The following VPS28 variants were observed in gnomAD, a reference collection of about 807,000 sequenced individuals.
VPS28 encodes the protein vacuolar protein sorting-associated protein 28 homolog.
A neutral mutation model predicts 33.7 loss-of-function variants in VPS28; 29 were observed. The ratio of observed to expected loss-of-function variants is 0.86; its 90% confidence interval spans 0.64 to 1.17. The LOEUF (loss-of-function observed/expected upper bound fraction) is 1.17. Ranked by LOEUF, VPS28 falls within the 50% of genes most tolerant of loss-of-function variation. VPS28 has a pLI of 0.00. For missense variants in VPS28, 247 were observed against 312.2 expected (o/e 0.79, Z 1.57); for synonymous variants, 164 against 116.7 (o/e 1.40, Z -2.61).
At chr8:144,424,292 G>T in intron 7 of VPS28, 24 bp from the exon 8 acceptor site, 1 of 1,574,252 alleles carries the variant, frequency 6.4e-7, no homozygotes, top group Non-Finnish European at 8.6e-7. Flanking sequence ...TGCACATGAG[G>T]CTCGCGTGTC....
intron 3 of VPS28, 21 bp downstream of exon 3, chr8:144,426,159 G>A (rs782025290): frequency 5.6e-6 from 9 of 1,603,148 alleles, no homozygotes; most frequent in Admixed American, 3.4e-5. Context: ...AATGCCGGCC[G>A]GGTGGGCACC....
intron 5 of VPS28, 41 bp from the exon 6 acceptor site, chr8:144,425,092 C>T (rs1436103160): frequency 2.6e-6 from 4 of 1,522,784 alleles, no homozygotes; most frequent in Non-Finnish European, 3.6e-6. Context: ...GGGACCAGCC[C>T]CACCCAGCTC....
rs372355075 is a variant in VPS28 at position 144,425,782 on chromosome 8, C to T, written c.105-10G>A. ...TGCCATGTTGTCGTACCTGAGGACACACCTGTCTATCGGGCCAGGCCCCGG... is the reference window on the plus strand; with the variant it reads ...TGCCATGTTGTCGTACCTGAGGACATACCTGTCTATCGGGCCAGGCCCCGG... On this transcript the variant is annotated splice_polypyrimidine_tract_variant and intron_variant, in intron 4 of 9. Coordinates refer to ENST00000292510, the MANE Select transcript of VPS28 (RefSeq NM_016208.4). 13 of 1,613,790 alleles carry T rather than the reference C, an allele frequency of 8.1e-6. No homozygotes were observed. Among genetic ancestry groups the T allele is most frequent in the East Asian group, 2.2e-5 (1 of 44,886 alleles).
intron 7 of VPS28, 192 bp from the exon 8 acceptor site, chr8:144,424,460 G>A (rs1822581743): frequency 1.2e-6 from 1 of 837,190 alleles, no homozygotes; most frequent in Non-Finnish European, 1.8e-6. Flanking sequence ...ACTGAAGGGT[G>A]GGCCCACACC....
chr8:144,426,898 G>A lies in VPS28; in HGVS notation c.37+11C>T, dbSNP rs1554876937. 1 of 1,612,514 alleles carries A rather than the reference G, an allele frequency of 6.2e-7. No homozygotes were observed. Among genetic ancestry groups the A allele is most frequent in the Non-Finnish European group, 8.5e-7 (1 of 1,179,718 alleles). ...GCGGCTGAAAGCCTGCGCCCTTCCA[G>A]CCACACTCACCTCCTATGCCCGGCG... On this transcript the variant is annotated intron_variant, in intron 2 of 9. Coordinates refer to ENST00000292510, the MANE Select transcript of VPS28 (RefSeq NM_016208.4).
chr8:144,426,136 T>C (rs782337505), intron 3 of VPS28, 44 bp downstream of exon 3: 6 of 1,591,214 alleles, frequency 3.8e-6, no homozygotes, highest in Non-Finnish European at 5.1e-6. Context: ...CACACAGGCA[T>C]TTGCTGTTGG....
chr8:144,426,836 C>T (rs2130822173), intron 2 of VPS28, 73 bp downstream of exon 2: 1 of 1,567,162 alleles, frequency 6.4e-7, no homozygotes, highest in Non-Finnish European at 8.7e-7. Context: ...CACCCCCGAT[C>T]CCCAATACCC....
intron 1 of VPS28, 188 bp from the exon 2 acceptor site, chr8:144,427,167 C>T: frequency 2.3e-6 from 1 of 431,962 alleles, no homozygotes; most frequent in Non-Finnish European, 4.3e-6. Flanking sequence ...GACGTTGTGG[C>T]ATACGGTTGT....
Position 144,426,923 on chromosome 8 carries a change from G to A in VPS28, c.23C>T (p.Thr8Met), listed in dbSNP as rs139498764. The A allele has an allele frequency of 1.7e-5, 27 of 1,612,528 alleles. No individual in the cohort carries two copies. In the African/African-American group the frequency reaches 2.0e-4, roughly 12 times the overall value. The change falls in exon 2 of 10, where the codon ACG (threonine) becomes ATG (methionine). Residue 8 changes from threonine to methionine, a missense_variant. Transcript: ENST00000292510. Reference sequence around the variant, plus strand: ...GCCACACTCACCTCCTATGCCCGGCGTGGCTGGGATCCCATGAAACATCCT... The same window carrying A: ...GCCACACTCACCTCCTATGCCCGGCATGGCTGGGATCCCATGAAACATCCT... Reference protein sequence around the residue: MFHGIPATPGIGAPGNKP... With the variant: MFHGIPAMPGIGAPGNKP...
In VPS28 at chr8:144,424,750, T is replaced by G; in HGVS notation, c.370A>C (p.Asn124His). The stretch of plus-strand genomic sequence containing the variant: ...ACGTCTGCGATGCAGCGGTTGAGGT[T>G]GCCCTTGTCGTCCTTGATGGTGATG... Reference protein sequence around the residue: ...RPITIKDDKGNLNRCIADVVS... With the variant: ...RPITIKDDKGHLNRCIADVVS... The change falls in exon 7 of 10, where the codon AAC (asparagine) becomes CAC (histidine). Residue 124 changes from asparagine (N) to histidine (H), a missense_variant. This residue lies in a region of VPS28 where 149 missense variants were observed against 172.8 expected (regional missense o/e 0.86). Coordinates refer to ENST00000292510, the MANE Select transcript of VPS28 (RefSeq NM_016208.4). 1 of 1,613,176 alleles carries G rather than the reference T, an allele frequency of 6.2e-7. No individual in the cohort carries two copies. Among genetic ancestry groups the G allele is most frequent in the Non-Finnish European group, 8.5e-7 (1 of 1,179,972 alleles).
At chr8:144,426,238 T>C (rs1822735540) in intron 2 of VPS28, 30 bp from the exon 3 acceptor site, 1 of 1,582,246 alleles carries the variant, frequency 6.3e-7, no homozygotes, top group Admixed American at 1.8e-5. Flanking sequence ...GCTGGCAGGC[T>C]GGCCCCAAAG....
intron 4 of VPS28, 81 bp from the exon 5 acceptor site, chr8:144,425,853 C>G (rs1822695388): frequency 1.3e-6 from 2 of 1,590,930 alleles, no homozygotes; most frequent in South Asian, 2.2e-5. Context: ...CCCGGAGGTG[C>G]CACTGCGGGC....
Position 144,426,132 on chromosome 8 carries a change from G to A in VPS28, c.66+48C>T, listed in dbSNP as rs782557630. ...TGCAGGACCCTGGTGAGGCCACACAGGCATTTGCTGTTGGCCAATGCCGGC... is the reference window on the plus strand; with the variant it reads ...TGCAGGACCCTGGTGAGGCCACACAAGCATTTGCTGTTGGCCAATGCCGGC... On this transcript the variant is annotated intron_variant, in intron 3 of 9. Coordinates refer to ENST00000292510, the MANE Select transcript of VPS28 (RefSeq NM_016208.4). 6.3e-6 allele frequency: 10 copies of A among 1,587,420 alleles called. No homozygotes were observed. The East Asian group carries it at 1.1e-4, about 18-fold the overall frequency.
intron 5 of VPS28, 69 bp downstream of exon 5, chr8:144,425,614 C>T (rs1822675943): frequency 1.9e-6 from 3 of 1,545,034 alleles, no homozygotes; most frequent in Non-Finnish European, 2.7e-6. Flanking sequence ...CAGACGCCTG[C>T]TCTTGCTGCC....
intron 1 of VPS28, chr8:144,427,181 C>T (rs1020153968): frequency 5.1e-6 from 2 of 392,646 alleles, no homozygotes; most frequent in Non-Finnish European, 9.5e-6. Flanking sequence ...CGGTTGTAAT[C>T]CCAGCTACTC....
rs185348414 is a variant in VPS28, at chr8:144,427,611, C to A, written c.-34-632G>T. Among the ~76,000 whole-genome samples the A allele has an allele frequency of 1.2e-3, 185 of 152,230 alleles. 2 individuals carry two copies. The highest frequency in any genetic ancestry group is 6.0e-3 in the Admixed American group (92 of 15,290). On this transcript the variant is annotated intron_variant, in intron 1 of 9. Transcript: ENST00000292510. ...ACTTAACAGCCCGCCTTTAAGTAGG[C>A]ATGAACTTGGAGGAACCAACAAGCT...
At chr8:144,426,327 C>T in intron 2 of VPS28, 119 bp from the exon 3 acceptor site, 2 of 1,345,902 alleles carry the variant, frequency 1.5e-6, no homozygotes, top group Non-Finnish European at 2.0e-6. Flanking sequence ...CCCAAAGAGC[C>T]CAGAGGGAGC....
intron 5 of VPS28, chr8:144,425,391 C>T (rs1822662215): frequency 3.5e-6 from 2 of 567,504 alleles, no homozygotes; most frequent in African/African-American, 1.9e-5. Flanking sequence ...CAAAGCCCCC[C>T]CAAAAGATCC....
chr8:144,427,653 G>A (rs782243637), intron 1 of VPS28, among the ~76,000 whole-genome samples: 1 of 152,170 alleles, frequency 6.6e-6, no homozygotes, highest in African/African-American at 2.4e-5. Context: ...GCAGCTTCTC[G>A]AAAGAGGGGG....
Sources: allele counts gnomAD v4.1 joint callset (sites outside exome capture counted in the v4.1 genomes callset), GRCh38; gene constraint gnomAD v4.1.1; regional missense constraint gnomAD v4.1.1; transcripts MANE v1.5; gene names NCBI Gene and HGNC (gene_info 2026-07-23, HGNC 2026-07-21).